CSN2: variants seen among roughly 807,000 people sequenced by gnomAD.
CSN2 encodes the protein beta-casein.
In CSN2, 27 loss-of-function variants were observed where a neutral mutation model predicts 27.3. The observed-to-expected ratio is 0.99, with a 90% CI of 0.73 to 1.36. The LOEUF (loss-of-function observed/expected upper bound fraction) is 1.36. CSN2 is among the 40% of genes most tolerant of loss of function. The pLI, the probability that CSN2 is intolerant of heterozygous loss-of-function variation, is 0.00. For synonymous variants in CSN2, 131 were observed against 94.8 expected (o/e 1.38, Z -2.22); for missense variants, 333 against 264.5 (o/e 1.26, Z -1.80).
chr4:69,965,420 ATATATATATATATATATATAT>A (rs1723771113), intron 1 of CSN2, among the ~76,000 whole-genome samples: 2 of 125,010 alleles, frequency 1.6e-5, no homozygotes, highest in South Asian at 5.1e-4. Flanking sequence ...ATATATATAT[ATATATATATATATATATATAT>A]ATATGCATAA....
intron 7 of CSN2, among the ~76,000 whole-genome samples, chr4:69,955,895 C>G (rs1221437905): frequency 6.6e-6 from 1 of 151,946 alleles, no homozygotes; most frequent in Non-Finnish European, 1.5e-5. Context: ...GTAATTTTAA[C>G]TCATGAATTA....
intron 1 of CSN2, among the ~76,000 whole-genome samples, chr4:69,961,738 T>A (rs1204112858): frequency 6.6e-6 from 1 of 152,082 alleles, no homozygotes; most frequent in African/African-American, 2.4e-5. Flanking sequence ...GCCAGGGCAA[T>A]TAGGCAGGAG....
Position 69,961,156 on chromosome 4 carries a change from A to T in CSN2, c.-12-149T>A, listed in dbSNP as rs1377315073. The T allele has an allele frequency of 5.5e-6, 3 of 549,828 alleles. No individual in the cohort carries two copies. In the African/African-American group the frequency reaches 5.6e-5, roughly 10 times the overall value. The allele number at this position is 549,828 out of a possible 1,614,324, so 34.1% of individuals were successfully genotyped here. ...CATTTAGAAAATAAATAGAATAAAT[A>T]CTAAATAGAAGTTATATCACATGAA... On this transcript the variant is annotated intron_variant, in intron 1 of 7. Coordinates refer to ENST00000353151, the MANE Select transcript of CSN2 (RefSeq NM_001891.4).
In CSN2 at chr4:69,964,705, C is replaced by A. The variant is rs191475203; in HGVS notation, c.-13+976G>T. On this transcript the variant is annotated intron_variant, in intron 1 of 7. Transcript: ENST00000353151. ...ATTACACATAGGGAAGATCCCACAG[C>A]ATTTTCTATATTTTATAAGTAATAT... is the stretch of plus-strand genomic sequence containing the variant. Among the ~76,000 whole-genome samples the A allele has an allele frequency of 7.3e-3, 1,104 of 150,638 alleles. 11 individuals carry two copies. Among genetic ancestry groups the A allele is most frequent in the Middle Eastern group, 0.011 (3 of 280 alleles).
chr4:69,963,334 C>T (rs1316052356), intron 1 of CSN2, among the ~76,000 whole-genome samples: 8 of 151,614 alleles, frequency 5.3e-5, no homozygotes, highest in Non-Finnish European at 1.2e-4. Flanking sequence ...TTGGAACCAA[C>T]CCAAATGTCC....
chr4:69,957,522 G>A lies in CSN2; in HGVS notation c.427C>T (p.Leu143=), dbSNP rs1407616078. 3 of 1,613,854 alleles carry A rather than the reference G, an allele frequency of 1.9e-6. No homozygotes were observed. The highest frequency in any genetic ancestry group is 3.3e-5 in the Admixed American group (2 of 59,892). ...TGCATCAAGGGCTGGAGCAGAGGCAGAGGAAGATGCAGATTTTCAAGATCA... is the reference window on the plus strand; with the variant it reads ...TGCATCAAGGGCTGGAGCAGAGGCAAAGGAAGATGCAGATTTTCAAGATCA... ...LTDLENLHLP[L]PLLQPLMQQV... Residue 143 remains leucine (L), a synonymous_variant, in exon 6 of 8, where the codon CTG becomes TTG. Coordinates refer to ENST00000353151, the MANE Select transcript of CSN2 (RefSeq NM_001891.4).
rs753274466 is a variant in CSN2 at position 69,961,009 on chromosome 4, T to G, written c.-12-2A>C. On this transcript the variant is annotated splice_acceptor_variant, in intron 1 of 7. Coordinates refer to ENST00000353151, the MANE Select transcript of CSN2 (RefSeq NM_001891.4). LOFTEE classifies it low-confidence loss of function (5UTR_SPLICE). The stretch of plus-strand genomic sequence containing the variant: ...GAGGACCTTCATGGCTACTAAGTCC[T>G]GTGAATGTAGAAAAAATGGAATGGT... The G allele has an allele frequency of 2.5e-6, 4 of 1,610,168 alleles. No homozygotes were observed. The highest frequency in any genetic ancestry group is 3.3e-5 in the Admixed American group (2 of 59,824).
chr4:69,957,011 G>A (rs775006993), intron 6 of CSN2, among the ~76,000 whole-genome samples: 1 of 152,034 alleles, frequency 6.6e-6, no homozygotes, highest in Non-Finnish European at 1.5e-5. Context: ...CGTGGGGTGG[G>A]GGTAGGGGGT....
At chr4:69,957,840 T>C in intron 5 of CSN2, 36 bp from the exon 6 acceptor site, 1 of 1,556,510 alleles carries the variant, frequency 6.4e-7, no homozygotes, top group Non-Finnish European at 8.8e-7. Flanking sequence ...GAGTCCTTGA[T>C]TAAGCTATAA....
At chr4:69,956,700 A>G (rs1723408286) in intron 6 of CSN2, among the ~76,000 whole-genome samples, 1 of 152,110 alleles carries the variant, frequency 6.6e-6, no homozygotes, top group African/African-American at 2.4e-5. Flanking sequence ...TTTTTTTTCC[A>G]AATTCAATCA....
At chr4:69,961,305 T>C (rs1371689754) in intron 1 of CSN2, among the ~76,000 whole-genome samples, 2 of 152,248 alleles carry the variant, frequency 1.3e-5, no homozygotes, top group African/African-American at 2.4e-5. Context: ...ATTTACAGTA[T>C]TGAATTTTTC....
chr4:69,957,583 C>T lies in CSN2; in HGVS notation c.366G>A (p.Thr122=), dbSNP rs185772786. 5.0e-5 allele frequency: 81 copies of T among 1,613,838 alleles called. No individual in the cohort carries two copies. The highest frequency in any genetic ancestry group is 3.6e-4 in the East Asian group (16 of 44,870). Residue 122 remains threonine, a synonymous_variant, in exon 6 of 8, where the codon ACG becomes ACA. Coordinates refer to ENST00000353151, the MANE Select transcript of CSN2 (RefSeq NM_001891.4). ...GRVMPVLKSP[T]IPFFDPQIPK... ...GGATTTGAGGGTCAAAAAAGGGTAT[C>T]GTTGGAGATTTAAGGACAGGCATCA...
In CSN2 at chr4:69,960,076, T is replaced by C. The variant is rs1262938707; in HGVS notation, c.55A>G (p.Ile19Val). The change falls in exon 3 of 8, where the codon ATA (isoleucine) becomes GTA (valine). Residue 19 changes from isoleucine to valine, a missense_variant. By Grantham distance (29) the Ile-to-Val change is conservative (BLOSUM62 3). Coordinates refer to ENST00000353151, the MANE Select transcript of CSN2 (RefSeq NM_001891.4). ...LVALALARET[I>V]ESLSSSEESI... ...ACCTCACTGCTTGAAAGGCTTTCTA[T>C]GGTCTGTGGGAAAAAAAAATTGACA... The C allele has an allele frequency of 2.5e-6, 4 of 1,611,742 alleles. No individual in the cohort carries two copies. Among genetic ancestry groups the C allele is most frequent in the Non-Finnish European group, 3.4e-6 (4 of 1,178,594 alleles).
chr4:69,957,622 G>T lies in CSN2; in HGVS notation c.327C>A (p.Tyr109Ter). The T allele has an allele frequency of 6.2e-7, 1 of 1,613,974 alleles. No homozygotes were observed. Among genetic ancestry groups the T allele is most frequent in the Non-Finnish European group, 8.5e-7 (1 of 1,179,990 alleles). Residue 109 changes from tyrosine to a stop codon, truncating the protein, a stop_gained, in exon 6 of 8, where the codon TAC becomes TAA. Coordinates refer to ENST00000353151, the MANE Select transcript of CSN2 (RefSeq NM_001891.4). LOFTEE classifies it high-confidence loss of function. ...MEVPKAKDTV[Y>*]TKGRVMPVLK... Reference sequence around the variant, plus strand: ...GGACAGGCATCACTCTGCCCTTAGTGTAGACAGTGTCTTTAGCTTTAGGGA... The same window carrying T: ...GGACAGGCATCACTCTGCCCTTAGTTTAGACAGTGTCTTTAGCTTTAGGGA...
At chr4:69,956,087 A>G (rs1723388050) in intron 7 of CSN2, among the ~76,000 whole-genome samples, 1 of 152,064 alleles carries the variant, frequency 6.6e-6, no homozygotes. Flanking sequence ...AAAGCAAGCC[A>G]GTCAAATCTG....
At position 69,963,033 on chromosome 4, in the gene CSN2, G is replaced by A. The variant is rs549455647; in HGVS notation, c.-12-2026C>T. On this transcript the variant is annotated intron_variant, in intron 1 of 7. Coordinates refer to ENST00000353151, the MANE Select transcript of CSN2 (RefSeq NM_001891.4). The stretch of plus-strand genomic sequence containing the variant: ...GAGAAATGCAAATCAAAACCACAAT[G>A]AGATACCATCTCACACCAGTTAGAA... Among the ~76,000 whole-genome samples, 44 of 152,190 alleles carry A rather than the reference G, an allele frequency of 2.9e-4. No homozygotes were observed. In the South Asian group the frequency reaches 8.9e-3, roughly 31 times the overall value.
At position 69,955,552 on chromosome 4, in the gene CSN2, C is replaced by A. The variant is rs1723371379; in HGVS notation, c.*77G>T. 1 of 152,388 alleles carries A rather than the reference C, an allele frequency of 6.6e-6. No homozygotes were observed. The highest frequency in any genetic ancestry group is 1.5e-5 in the Non-Finnish European group (1 of 67,912). The allele number at this position is 152,388 out of a possible 1,614,324, so 9.4% of individuals were successfully genotyped here. A position where few individuals can be genotyped will look rare whatever the true frequency, so the allele number is the denominator to read the frequency against. On this transcript the variant is annotated 3_prime_UTR_variant, in exon 8 of 8. Coordinates refer to ENST00000353151, the MANE Select transcript of CSN2 (RefSeq NM_001891.4). The stretch of plus-strand genomic sequence containing the variant: ...ATACTTAATTTGGGGTAACGTGATA[C>A]AAAGACGGAAAAGGCATCATATTTC...
intron 6 of CSN2, among the ~76,000 whole-genome samples, chr4:69,956,907 C>T (rs375540275): frequency 3.3e-5 from 5 of 152,128 alleles, no homozygotes; most frequent in East Asian, 3.9e-4. Flanking sequence ...GAAAAGTTCT[C>T]CAGGTGATTC....
chr4:69,961,055 A>G, intron 1 of CSN2, 48 bp from the exon 2 acceptor site: 2 of 1,333,376 alleles, frequency 1.5e-6, no homozygotes, highest in Non-Finnish European at 2.2e-6. Flanking sequence ...TCAATTGGAT[A>G]TACTTTCTTA....
Sources: allele counts gnomAD v4.1 joint callset (sites outside exome capture counted in the v4.1 genomes callset), GRCh38; gene constraint gnomAD v4.1.1; transcripts MANE v1.5; gene names NCBI Gene and HGNC (gene_info 2026-07-23, HGNC 2026-07-21).